HMCN2: variants seen among roughly 807,000 people sequenced by gnomAD.
The protein encoded by HMCN2 is hemicentin-2.
In HMCN2, 325 loss-of-function variants were observed where a neutral mutation model predicts 377.5. The ratio of observed to expected loss-of-function variants is 0.86; its 90% CI spans 0.79 to 0.94. The LOEUF (loss-of-function observed/expected upper bound fraction) is 0.94. HMCN2 is among the 40% of genes least tolerant of loss of function. HMCN2 has a pLI of 0.00. For synonymous variants in HMCN2, 2,007 were observed against 2,046.8 expected (o/e 0.98, Z 0.53); for missense variants, 4,543 against 4,725.3 (o/e 0.96, Z 1.13).
intron 45 of HMCN2, among the ~76,000 whole-genome samples, chr9:130,370,602 T>A (rs1470416546): frequency 2.0e-5 from 3 of 152,230 alleles, no homozygotes; most frequent in Non-Finnish European, 4.4e-5. Flanking sequence ...ACACGTGGAT[T>A]TGGGAAGCAC....
intron 86 of HMCN2, among the ~76,000 whole-genome samples, chr9:130,421,892 A>C (rs1364696624): frequency 6.6e-6 from 1 of 152,228 alleles, no homozygotes; most frequent in East Asian, 1.9e-4. Flanking sequence ...ATTTCCCCTG[A>C]GAGCTGCTGA....
chr9:130,375,716 G>A lies in HMCN2; in HGVS notation c.7784G>A (p.Arg2595Lys). ...MKDGAPFEAS[R>K]NIQLLPGTHG... is the part of the protein sequence containing the mutation. ...GACGGGGCCCCGTTTGAGGCCTCCA[G>A]GAACATCCAGCTGCTCCCAGGTGAC... The change falls in exon 50 of 98, where the codon AGG (arginine) becomes AAG (lysine). Residue 2595 changes from arginine (R) to lysine (K), a missense_variant. This residue lies in a region of HMCN2 where 736 missense variants were observed against 773.2 expected (regional missense o/e 0.95). Transcript: ENST00000683500. 1.0e-5 allele frequency: 10 copies of A among 985,934 alleles called. No individual in the cohort carries two copies. The highest frequency in any genetic ancestry group is 1.2e-5 in the Non-Finnish European group (10 of 830,012). The allele number at this position is 985,934 out of a possible 1,614,324, so 61.1% of individuals were successfully genotyped here.
intron 1 of HMCN2, among the ~76,000 whole-genome samples, chr9:130,274,105 T>C (rs1304725999): frequency 1.3e-5 from 2 of 151,100 alleles, no homozygotes; most frequent in Non-Finnish European, 2.9e-5. Context: ...CAGGCTGGAG[T>C]GCAGTGGTGT....
chr9:130,403,618 C>T (rs1842957249), intron 79 of HMCN2, 123 bp from the exon 80 acceptor site: 1 of 1,078,278 alleles, frequency 9.3e-7, no homozygotes, highest in Admixed American at 3.0e-5. Flanking sequence ...CCTTCTGTCC[C>T]TTGGTCATTC....
At chr9:130,403,393 G>A (rs1470508993) in intron 79 of HMCN2, 65 bp downstream of exon 79, 1 of 1,272,252 alleles carries the variant, frequency 7.9e-7, no homozygotes, top group Non-Finnish European at 1.0e-6. Flanking sequence ...CAGGGGGGGA[G>A]TCCTGCTTCC....
rs1410301570 is a variant in HMCN2, at chr9:130,384,772, A to G, written c.9080A>G (p.Gln3027Arg). The change falls in exon 59 of 98, where the codon CAG becomes CGG. Residue 3027 changes from glutamine (Q) to arginine (R), a missense_variant. By Grantham distance (43) the Gln-to-Arg change is conservative. Transcript: ENST00000683500. ...GCCCTCAATGCTGCCGGCCGAGACCAGAAGCTGGTGCAGCTCAGTGTTCTG... is the reference window on the plus strand; with the variant it reads ...GCCCTCAATGCTGCCGGCCGAGACCGGAAGCTGGTGCAGCTCAGTGTTCTG... ...CEALNAAGRD[Q>R]KLVQLSVLVP... 8 of 1,303,466 alleles carry G rather than the reference A, an allele frequency of 6.1e-6. No individual in the cohort carries two copies. The African/African-American group carries it at 1.2e-4, about 20-fold the overall frequency. The allele number at this position is 1,303,466 out of a possible 1,614,324, so 80.7% of individuals were successfully genotyped here. A position where few individuals can be genotyped will look rare whatever the true frequency, so the allele number is the denominator to read the frequency against.
chr9:130,382,732 A>T lies in HMCN2; in HGVS notation c.8599A>T (p.Asn2867Tyr), dbSNP rs1841799078. ...TEELVEEVTV[N>Y]ASSTVSLQCP... ...GGAGCTGGTGGAAGAGGTGACAGTC[A>T]ATGCCAGCAGCACCGTCAGCCTGCA... Residue 2867 changes from asparagine to tyrosine, a missense_variant, in exon 56 of 98, where the codon AAT (asparagine) becomes TAT (tyrosine). Asn to Tyr is a moderately radical substitution (Grantham distance 143, BLOSUM62 -2). This residue lies in a region of HMCN2 where 736 missense variants were observed against 773.2 expected (regional missense o/e 0.95). Transcript: ENST00000683500. The T allele has an allele frequency of 1.0e-6, 1 of 985,412 alleles. No individual in the cohort carries two copies. Among genetic ancestry groups the T allele is most frequent in the Admixed American group, 6.2e-5 (1 of 16,246 alleles). 61.0% of individuals were successfully genotyped at this position (985,412 alleles called of 1,614,324 possible).
intron 1 of HMCN2, among the ~76,000 whole-genome samples, chr9:130,274,162 C>G (rs1207645345): frequency 6.6e-6 from 1 of 151,900 alleles, no homozygotes; most frequent in Non-Finnish European, 1.5e-5. Flanking sequence ...AAGCAATTCT[C>G]CTGTCTCAGC....
At chr9:130,410,819 G>T (rs1843369105) in intron 85 of HMCN2, among the ~76,000 whole-genome samples, 167 bp downstream of exon 85, 1 of 152,146 alleles carries the variant, frequency 6.6e-6, no homozygotes, top group African/African-American at 2.4e-5. Flanking sequence ...AATGTGGGGT[G>T]ACTGAGACTC....
intron 52 of HMCN2, 148 bp downstream of exon 52, chr9:130,376,806 ATT>A: frequency 3.5e-6 from 1 of 283,608 alleles, no homozygotes; most frequent in Non-Finnish European, 5.3e-6. Context: ...TTTTATTTTT[ATT>A]TTTTTTGAGA....
In HMCN2 at chr9:130,391,227, G is replaced by C; in HGVS notation, c.9691G>C (p.Gly3231Arg). 2 of 987,880 alleles carry C rather than the reference G, an allele frequency of 2.0e-6. No individual in the cohort carries two copies. Among genetic ancestry groups the C allele is most frequent in the Non-Finnish European group, 2.4e-6 (2 of 830,220 alleles). The allele number at this position is 987,880 out of a possible 1,614,324, so 61.2% of individuals were successfully genotyped here. A position where few individuals can be genotyped will look rare whatever the true frequency, so the allele number is the denominator to read the frequency against. ...VLVAPRIRSS[G>R]VAREHHVLEG... ...AGTGGCCCCCCGGATCCGGAGCTCG[G>C]GCGTGGCGCGGGAGCACCATGTCTT... Residue 3231 changes from glycine to arginine, a missense_variant, in exon 64 of 98, where the codon GGC becomes CGC. Gly to Arg is a moderately radical substitution (Grantham distance 125, BLOSUM62 -2). This residue lies in a region of HMCN2 where 736 missense variants were observed against 773.2 expected (regional missense o/e 0.95). Coordinates refer to ENST00000683500, the MANE Select transcript of HMCN2 (RefSeq NM_001291815.2).
At chr9:130,284,435 T>C (rs144584354) in intron 1 of HMCN2, among the ~76,000 whole-genome samples, 168 bp from the exon 2 acceptor site, 71 of 152,202 alleles carry the variant, frequency 4.7e-4, no homozygotes, top group African/African-American at 1.6e-3. Flanking sequence ...GACCTTGTTT[T>C]CTGGTCTGAT....
At chr9:130,412,101 G>A (rs4625077) in intron 85 of HMCN2, among the ~76,000 whole-genome samples, 70,932 of 151,980 alleles carry the variant, frequency 0.47, 17,427 homozygotes, top group East Asian at 0.81. Context: ...CCTCCTGAGT[G>A]GCTGGGATTA....
rs1354933367 is a variant in HMCN2, at chr9:130,375,868, CCA to C, written c.7805-3_7805-2del. On this transcript the variant is annotated splice_region_variant and splice_polypyrimidine_tract_variant and intron_variant, in intron 50 of 97. Coordinates refer to ENST00000683500, the MANE Select transcript of HMCN2 (RefSeq NM_001291815.2). Reference sequence around the variant, plus strand: ...TTGGGGTGACCCTGGCCACTGGCCCCCACACAGGTACCCACGGGCTGCAGATC... The same window carrying C: ...TTGGGGTGACCCTGGCCACTGGCCCCCACAGGTACCCACGGGCTGCAGATC... 1.7e-5 allele frequency: 17 copies of C among 985,660 alleles called. No homozygotes were observed. The highest frequency in any genetic ancestry group is 2.0e-5 in the Non-Finnish European group (17 of 829,916). The allele number at this position is 985,660 out of a possible 1,614,324, so 61.1% of individuals were successfully genotyped here. A position where few individuals can be genotyped will look rare whatever the true frequency, so the allele number is the denominator to read the frequency against.
At chr9:130,388,652 G>A in intron 62 of HMCN2, 112 bp downstream of exon 62, 1 of 718,346 alleles carries the variant, frequency 1.4e-6, no homozygotes, top group Non-Finnish European at 1.7e-6. Flanking sequence ...GGCAAAACCA[G>A]AGACTGGCAG....
Position 130,348,627 on chromosome 9 carries a change from G to A in HMCN2, c.4107G>A (p.Ala1369=), listed in dbSNP as rs142523216. 1.3e-3 allele frequency: 1,743 copies of A among 1,301,412 alleles called. 28 individuals are homozygous for A. The African/African-American group carries it at 0.024, about 18-fold the overall frequency. The allele number at this position is 1,301,412 out of a possible 1,614,324, so 80.6% of individuals were successfully genotyped here. ...AGTCCCTGACGCTGGAGTGTGACGC[G>A]AACGGCTTTCCAGTCCCTGAGATCG... ...AGQSLTLECD[A]NGFPVPEIVW... The change falls in exon 27 of 98, where the codon GCG becomes GCA. Residue 1369 remains alanine, a synonymous_variant. Coordinates refer to ENST00000683500, the MANE Select transcript of HMCN2 (RefSeq NM_001291815.2).
rs145995858 is a variant in HMCN2, at chr9:130,276,220, C to G, written c.260-8383C>G. 3.1e-3 allele frequency among the ~76,000 whole-genome samples: 466 copies of G among 152,264 alleles called. 3 individuals carry two copies. Among genetic ancestry groups the G allele is most frequent in the South Asian group, 0.021 (100 of 4,824 alleles). On this transcript the variant is annotated intron_variant, in intron 1 of 97. Coordinates refer to ENST00000683500, the MANE Select transcript of HMCN2 (RefSeq NM_001291815.2). ...AATCACTTACTCCATCTTCAATTCT[C>G]AAGGGTCCCCTGGGGGCCAGGCAGG...
At chr9:130,294,176 G>A (rs906470458) in intron 4 of HMCN2, among the ~76,000 whole-genome samples, 5 of 152,176 alleles carry the variant, frequency 3.3e-5, no homozygotes, top group Non-Finnish European at 4.4e-5. Flanking sequence ...GGAACCTCCC[G>A]AAGTCATACC....
chr9:130,289,549 T>C (rs1835626608), intron 4 of HMCN2, among the ~76,000 whole-genome samples: 1 of 152,120 alleles, frequency 6.6e-6, no homozygotes, highest in African/African-American at 2.4e-5. Context: ...TCAACCTCTC[T>C]GGGCCACACT....
Sources: allele counts gnomAD v4.1 joint callset (sites outside exome capture counted in the v4.1 genomes callset), GRCh38; gene constraint gnomAD v4.1.1; regional missense constraint gnomAD v4.1.1; transcripts MANE v1.5; gene names NCBI Gene and HGNC (gene_info 2026-07-23, HGNC 2026-07-21).